CCSER2: variants seen among roughly 807,000 people sequenced by gnomAD.
The protein encoded by CCSER2 is coiled-coil serine rich protein 2.
Under a neutral mutation model 92.3 loss-of-function variants are expected in CCSER2, and 46 were observed. That is an observed-to-expected ratio of 0.50 (90% CI 0.39 to 0.64). The LOEUF is 0.64. Among genes scored for constraint, CCSER2 ranks in the 30% least tolerant of loss-of-function variants. The pLI is 0.00. For synonymous variants in CCSER2, 433 were observed against 431.4 expected (o/e 1.00, Z -0.04); for missense variants, 1,244 against 1,238.9 (o/e 1.00, Z -0.06).
chr10:84,453,588 A>G (rs549801771), intron 6 of CCSER2, among the ~76,000 whole-genome samples: 3 of 152,304 alleles, frequency 2.0e-5, no homozygotes, highest in South Asian at 2.1e-4. Context: ...CAGTATGTCT[A>G]TTATATCAGG....
intron 4 of CCSER2, chr10:84,425,097 T>C: frequency 1.0e-6 from 1 of 973,896 alleles, no homozygotes; most frequent in Non-Finnish European, 1.2e-6. Flanking sequence ...TTCGTGTTTT[T>C]GTGGTATTTG....
At chr10:84,358,976 C>T (rs1480306149) in intron 1 of CCSER2, among the ~76,000 whole-genome samples, 1 of 152,116 alleles carries the variant, frequency 6.6e-6, no homozygotes, top group Non-Finnish European at 1.5e-5. Flanking sequence ...TATGTGGGAC[C>T]TGTGAACCTA....
At chr10:84,473,516 G>A (rs1200740634) in intron 8 of CCSER2, among the ~76,000 whole-genome samples, 1 of 152,134 alleles carries the variant, frequency 6.6e-6, no homozygotes, top group East Asian at 1.9e-4. Flanking sequence ...AGGTGGCCAA[G>A]TATCCTTTTT....
At chr10:84,464,514 A>T (rs1454903770) in intron 7 of CCSER2, among the ~76,000 whole-genome samples, 2 of 152,114 alleles carry the variant, frequency 1.3e-5, no homozygotes, top group African/African-American at 4.8e-5. Context: ...GCACATATTT[A>T]TTTCTTAAGC....
rs773087258 is a variant in CCSER2 at position 84,371,732 on chromosome 10, C to T, written c.680C>T (p.Ser227Phe). 2 of 1,613,254 alleles carry T rather than the reference C, an allele frequency of 1.2e-6. No individual in the cohort carries two copies. Among genetic ancestry groups the T allele is most frequent in the East Asian group, 2.2e-5 (1 of 44,888 alleles). ...GTAAGGTCACAAAGTTTTTCACATT[C>T]CATTCAGAATTCATTCCTTCCACCT... ...KMVRSQSFSH[S>F]IQNSFLPPSS... is the part of the protein sequence containing the mutation. The change falls in exon 2 of 10, where the codon TCC (serine) becomes TTC (phenylalanine). Residue 227 changes from serine (S) to phenylalanine (F), a missense_variant. Physicochemically the swap from Ser to Phe is radical, Grantham distance 155. Coordinates refer to ENST00000372088, the MANE Select transcript of CCSER2 (RefSeq NM_001284240.2).
At chr10:84,387,257 T>C (rs896129964) in intron 3 of CCSER2, among the ~76,000 whole-genome samples, 5 of 152,180 alleles carry the variant, frequency 3.3e-5, no homozygotes, top group African/African-American at 1.2e-4. Flanking sequence ...GGGTTAACTG[T>C]TCAATGATGA....
At chr10:84,490,009 G>A (rs1177964765) in intron 9 of CCSER2, among the ~76,000 whole-genome samples, 1 of 152,172 alleles carries the variant, frequency 6.6e-6, no homozygotes, top group Non-Finnish European at 1.5e-5. Context: ...AGCTTAGTTT[G>A]ACTGGATATG....
intron 7 of CCSER2, among the ~76,000 whole-genome samples, chr10:84,467,041 CATT>C (rs976546363): frequency 6.6e-6 from 1 of 152,210 alleles, no homozygotes; most frequent in African/African-American, 2.4e-5. Flanking sequence ...GTGTATATCT[CATT>C]TAATTTCAGT....
chr10:84,398,736 T>G (rs1841969676), intron 3 of CCSER2, among the ~76,000 whole-genome samples: 1 of 152,200 alleles, frequency 6.6e-6, no homozygotes, highest in Non-Finnish European at 1.5e-5. Flanking sequence ...AAGTCTACCC[T>G]CTTTGGTTAA....
intron 5 of CCSER2, among the ~76,000 whole-genome samples, chr10:84,427,023 C>T (rs1843472078): frequency 6.6e-6 from 1 of 152,146 alleles, no homozygotes; most frequent in African/African-American, 2.4e-5. Context: ...AAATATAGTA[C>T]TGTGATTTTG....
chr10:84,340,646 CTT>C (rs1844124892), intron 1 of CCSER2, among the ~76,000 whole-genome samples: 1 of 144,964 alleles, frequency 6.9e-6, no homozygotes, highest in African/African-American at 2.6e-5. Flanking sequence ...TTTTTTTCCT[CTT>C]TGACGTCTCT....
At chr10:84,443,995 G>A (rs1268286133) in intron 6 of CCSER2, among the ~76,000 whole-genome samples, 2 of 152,082 alleles carry the variant, frequency 1.3e-5, no homozygotes, top group Non-Finnish European at 2.9e-5. Flanking sequence ...CCTGTCGGGG[G>A]GTAGGGGGCT....
At chr10:84,397,298 T>C (rs1011811697) in intron 3 of CCSER2, among the ~76,000 whole-genome samples, 6 of 152,212 alleles carry the variant, frequency 3.9e-5, no homozygotes, top group Admixed American at 6.5e-5. Context: ...CCTTAAGATA[T>C]GAAATTCTGC....
intron 3 of CCSER2, among the ~76,000 whole-genome samples, chr10:84,396,236 T>C (rs571332961): frequency 6.6e-6 from 1 of 150,960 alleles, no homozygotes; most frequent in East Asian, 1.9e-4. Context: ...GATTATAGTA[T>C]ATATTCATAC....
intron 1 of CCSER2, among the ~76,000 whole-genome samples, chr10:84,338,255 G>A (rs1843952750): frequency 6.7e-6 from 1 of 149,946 alleles, no homozygotes; most frequent in African/African-American, 2.5e-5. Flanking sequence ...TTGCACTCCA[G>A]CCTGGGCAAC....
intron 1 of CCSER2, among the ~76,000 whole-genome samples, chr10:84,341,945 T>C (rs934638078): frequency 6.6e-6 from 1 of 152,232 alleles, no homozygotes; most frequent in Non-Finnish European, 1.5e-5. Flanking sequence ...TCTCCAGATA[T>C]CTCCACGTAT....
chr10:84,371,546 C>T lies in CCSER2; in HGVS notation c.494C>T (p.Ser165Leu), dbSNP rs200068948. The T allele has an allele frequency of 1.7e-5, 27 of 1,613,482 alleles. No homozygotes were observed. Among genetic ancestry groups the T allele is most frequent in the Middle Eastern group, 3.3e-4 (2 of 6,078 alleles). ...TTATTAGGAAGGACTTCATATTCTT[C>T]GATCAATACTCCAAAATCACAGTTG... is the stretch of plus-strand genomic sequence containing the variant. ...GTLLGRTSYS[S>L]INTPKSQLNG... Residue 165 changes from serine to leucine, a missense_variant, in exon 2 of 10, where the codon TCG (serine) becomes TTG (leucine). Physicochemically the swap from Ser to Leu is moderately radical, Grantham distance 145. Transcript: ENST00000372088.
intron 5 of CCSER2, among the ~76,000 whole-genome samples, chr10:84,435,638 C>CAAAAAAAAAAAAAAAAAAAAAAAAAA (rs5786657): frequency 9.4e-6 from 1 of 106,840 alleles, no homozygotes; most frequent in African/African-American, 3.9e-5. Flanking sequence ...CCATTCAGTG[C>CAAAAAAAAAAAAAAAAAAAAAAAAAA]AAAAAAAAAA....
chr10:84,431,977 C>G (rs573961897), intron 5 of CCSER2, among the ~76,000 whole-genome samples: 4 of 152,252 alleles, frequency 2.6e-5, no homozygotes, highest in African/African-American at 9.6e-5. Flanking sequence ...TAGGAAACTG[C>G]CAAACTGTCT....
Sources: gnomAD v4.1 joint callset for allele counts (sites outside exome capture counted in the v4.1 genomes callset) on GRCh38, gnomAD v4.1.1 for gene constraint, MANE v1.5 for transcripts, NCBI Gene and HGNC (gene_info 2026-07-23, HGNC 2026-07-21) for gene names.